DGCR2: variants seen among roughly 807,000 people sequenced by gnomAD.
DGCR2 encodes the protein DiGeorge syndrome critical region gene 2, also known as integral membrane protein DGCR2/IDD.
DGCR2 carries 24 observed loss-of-function variants against 51.6 expected under a neutral mutation model. That is an observed-to-expected ratio of 0.47 (90% confidence interval 0.34 to 0.65). DGCR2 has a LOEUF of 0.65. Ranked by LOEUF, DGCR2 falls within the 30% of genes least tolerant of loss-of-function variation. The pLI is 0.01. For missense variants in DGCR2, 765 were observed against 772.1 expected (o/e 0.99, Z 0.11); for synonymous variants, 340 against 315.4 (o/e 1.08, Z -0.82).
chr22:19,065,582 CT>C (rs1196647037), intron 3 of DGCR2, among the ~76,000 whole-genome samples: 1 of 152,204 alleles, frequency 6.6e-6, no homozygotes, highest in East Asian at 1.9e-4. Flanking sequence ...TGACCCGCCC[CT>C]GCCTCCCACA....
rs377604296 is a variant in DGCR2 at position 19,122,388 on chromosome 22, C to A, written c.-182G>T. ...GCACACTCTCGGCTGCAACCTCAGGCACCGACTCCAGCTGCGCGCAAGATG... is the reference window on the plus strand; with the variant it reads ...GCACACTCTCGGCTGCAACCTCAGGAACCGACTCCAGCTGCGCGCAAGATG... On this transcript the variant is annotated 5_prime_UTR_variant, in exon 1 of 10. Transcript: ENST00000263196. 99 of 454,434 alleles carry A rather than the reference C, an allele frequency of 2.2e-4. No homozygotes were observed. Among genetic ancestry groups the A allele is most frequent in the Non-Finnish European group, 3.0e-4 (78 of 259,428 alleles). The allele number at this position is 454,434 out of a possible 1,614,324, so 28.2% of individuals were successfully genotyped here. A position where few individuals can be genotyped will look rare whatever the true frequency, so the allele number is the denominator to read the frequency against.
Position 19,041,962 on chromosome 22 carries a change from G to T in DGCR2, c.1007-3C>A, listed in dbSNP as rs1483867698. ...GGAGTCAAACAGACTGTTGCCATCT[G>T]AGGGGGAGGGGAGGAAATGGCCGCT... On this transcript the variant is annotated splice_polypyrimidine_tract_variant and splice_region_variant and intron_variant, in intron 7 of 9. Transcript: ENST00000263196. The T allele has an allele frequency of 1.2e-6, 2 of 1,611,672 alleles. No homozygotes were observed. The highest frequency in any genetic ancestry group is 8.5e-7 in the Non-Finnish European group (1 of 1,179,250).
At position 19,037,385 on chromosome 22, in the gene DGCR2, G is replaced by C. The variant is rs2082381645; in HGVS notation, c.*1480C>G. On this transcript the variant is annotated 3_prime_UTR_variant, in exon 10 of 10. Coordinates refer to ENST00000263196, the MANE Select transcript of DGCR2 (RefSeq NM_005137.3). The stretch of plus-strand genomic sequence containing the variant: ...CCACAGTGTGAGAATGTGTCAAGAA[G>C]TGGACTGTGCATGGAGTCCATCCCC... 1 of 152,314 alleles carries C rather than the reference G, an allele frequency of 6.6e-6. No homozygotes were observed. Among genetic ancestry groups the C allele is most frequent in the Non-Finnish European group, 1.5e-5 (1 of 68,068 alleles). 9.4% of individuals were successfully genotyped at this position (152,314 alleles called of 1,614,324 possible).
chr22:19,064,677 G>A (rs766227015), intron 4 of DGCR2, among the ~76,000 whole-genome samples, 171 bp downstream of exon 4: 5 of 152,208 alleles, frequency 3.3e-5, no homozygotes, highest in Non-Finnish European at 7.3e-5. Flanking sequence ...CACCTATCTC[G>A]ATGCACACTC....
At chr22:19,044,858 A>G (rs1037170460) in intron 7 of DGCR2, among the ~76,000 whole-genome samples, 4 of 152,172 alleles carry the variant, frequency 2.6e-5, no homozygotes, top group Non-Finnish European at 5.9e-5. Flanking sequence ...TTGAGTTTTT[A>G]TGTATTCTGA....
intron 2 of DGCR2, among the ~76,000 whole-genome samples, chr22:19,088,599 G>A (rs73386992): frequency 2.4e-4 from 36 of 152,342 alleles, no homozygotes; most frequent in African/African-American, 8.7e-4. Flanking sequence ...ATTTAAGCCT[G>A]TGATTCTCAA....
At chr22:19,063,118 A>G in intron 5 of DGCR2, 84 bp downstream of exon 5, 1 of 1,327,004 alleles carries the variant, frequency 7.5e-7, no homozygotes, top group Non-Finnish European at 1.1e-6. Flanking sequence ...GCCAGGCAGC[A>G]CTGGGTAAGA....
At chr22:19,092,965 A>G (rs1407312066) in intron 1 of DGCR2, among the ~76,000 whole-genome samples, 2 of 138,890 alleles carry the variant, frequency 1.4e-5, no homozygotes, top group Non-Finnish European at 3.1e-5. Flanking sequence ...AAGTTAAAAA[A>G]AGGAGGAGGA....
In DGCR2 at chr22:19,057,855, AG is replaced by A. The variant is rs1461463321; in HGVS notation, c.626-694del. ...CTAACCTCCAAGCCTCTCTTTTGCA[AG>A]GTTCCAGGTGGGCTCTGGCCATGCC... is the stretch of plus-strand genomic sequence containing the variant. On this transcript the variant is annotated intron_variant, in intron 5 of 9. Coordinates refer to ENST00000263196, the MANE Select transcript of DGCR2 (RefSeq NM_005137.3). This position sits in a 1 kb window ranked among gnomAD's most constrained non-coding sequence, Gnocchi z 5.1. 6.6e-6 allele frequency among the ~76,000 whole-genome samples: 1 copy of A among 152,098 alleles called. No individual in the cohort carries two copies.
rs918349282 is a variant in DGCR2, at chr22:19,122,059, G to A, written c.79+69C>T. ...CTGCAGGAGGGCGCCGCGGGTGAAA[G>A]GAGGTCCCGGGGCGACCCCGGCCCC... On this transcript the variant is annotated intron_variant, in intron 1 of 9. Transcript: ENST00000263196. 2.9e-5 allele frequency: 35 copies of A among 1,209,364 alleles called. No homozygotes were observed. The African/African-American group carries it at 5.2e-4, about 18-fold the overall frequency. The allele number at this position is 1,209,364 out of a possible 1,614,324, so 74.9% of individuals were successfully genotyped here.
intron 7 of DGCR2, chr22:19,048,213 T>C (rs563325640): frequency 3.4e-6 from 2 of 586,772 alleles, no homozygotes; most frequent in Non-Finnish European, 3.0e-6. Flanking sequence ...GAATGCTGCC[T>C]GTCACCCCAG....
chr22:19,092,873 G>A (rs150428353), intron 1 of DGCR2, among the ~76,000 whole-genome samples: 2,011 of 149,682 alleles, frequency 0.013, 20 homozygotes, highest in Middle Eastern at 0.027. Context: ...ATGGTACTGC[G>A]AAACACGGAA....
rs56725898 is a variant in DGCR2 at position 19,082,222 on chromosome 22, C to CTTTT, written c.202+7142_202+7145dup. The stretch of plus-strand genomic sequence containing the variant: ...TACCACCACATCTGGCTAATTATTT[C>CTTTT]TTTTTTTTTTTTTTTTTTTTTTTCA... On this transcript the variant is annotated intron_variant, in intron 2 of 9. Transcript: ENST00000263196. Among the ~76,000 whole-genome samples, 190 of 88,046 alleles carry CTTTT rather than the reference C, an allele frequency of 2.2e-3. 4 individuals carry two copies. Among genetic ancestry groups the CTTTT allele is most frequent in the Non-Finnish European group, 3.1e-3 (145 of 47,072 alleles). The allele number at this position is 88,046 out of a possible 152,430, so 57.8% of individuals were successfully genotyped here.
chr22:19,041,826 C>A lies in DGCR2; in HGVS notation c.1140G>T (p.Glu380Asp). 1 of 1,612,462 alleles carries A rather than the reference C, an allele frequency of 6.2e-7. No individual in the cohort carries two copies. Among genetic ancestry groups the A allele is most frequent in the Non-Finnish European group, 8.5e-7 (1 of 1,179,806 alleles). Residue 380 changes from glutamate (E) to aspartate (D), a missense_variant, in exon 8 of 10, where the codon GAG becomes GAT. Physicochemically the swap from Glu to Asp is conservative, Grantham distance 45. This residue lies in a region of DGCR2 where 190 missense variants were observed against 265.2 expected (regional missense o/e 0.72). Transcript: ENST00000263196. ...RLRQRRRERIESLIGANLHHF... is the reference protein window; with the variant it reads ...RLRQRRRERIDSLIGANLHHF... ...ACTTACAGTTTGCTCCAATCAGGGA[C>A]TCGATGCGCTCCCGGCGCCGCTGGC...
intron 7 of DGCR2, among the ~76,000 whole-genome samples, chr22:19,042,934 A>G (rs925500919): frequency 6.6e-6 from 1 of 152,100 alleles, no homozygotes; most frequent in African/African-American, 2.4e-5. Context: ...CCTGGCATAC[A>G]CGTGCAGATG....
intron 5 of DGCR2, among the ~76,000 whole-genome samples, chr22:19,062,775 G>GCTCGCTCTCTCTCTCTCTCTCTCCTCTCC (rs1491258740): frequency 9.2e-6 from 1 of 108,860 alleles, no homozygotes; most frequent in Non-Finnish European, 1.9e-5. Context: ...ACACATGCAT[G>GCTCGCTCTCTCTCTCTCTCTCTCCTCTCC]CTCACTCTCT....
At chr22:19,094,968 G>C (rs957216583) in intron 1 of DGCR2, among the ~76,000 whole-genome samples, 3 of 152,010 alleles carry the variant, frequency 2.0e-5, no homozygotes, top group Admixed American at 2.0e-4. Flanking sequence ...GATGGGGGTG[G>C]GAGGGATTAC....
intron 9 of DGCR2, among the ~76,000 whole-genome samples, chr22:19,040,410 C>G (rs181895814): frequency 6.6e-4 from 101 of 152,316 alleles, no homozygotes; most frequent in Non-Finnish European, 1.0e-4. Context: ...AAATATACTA[C>G]AGGTTTGTGT....
At chr22:19,107,664 A>G (rs903012673) in intron 1 of DGCR2, among the ~76,000 whole-genome samples, 4 of 152,230 alleles carry the variant, frequency 2.6e-5, no homozygotes, top group African/African-American at 9.6e-5. Flanking sequence ...CAGGTCCACC[A>G]AGCATACCTA....
Sources: allele counts gnomAD v4.1 joint callset (sites outside exome capture counted in the v4.1 genomes callset), GRCh38; gene constraint gnomAD v4.1.1; regional missense constraint gnomAD v4.1.1; non-coding constraint Gnocchi (gnomAD v3.1); transcripts MANE v1.5; gene names NCBI Gene and HGNC (gene_info 2026-07-23, HGNC 2026-07-21).